SNTG1: variants seen among roughly 807,000 people sequenced by gnomAD.
SNTG1 encodes gamma-1-syntrophin.
SNTG1 carries 39 observed loss-of-function variants against 74.7 expected under a neutral mutation model. The observed-to-expected ratio is 0.52, with a 90% CI of 0.40 to 0.68. SNTG1 has a LOEUF of 0.68. Among genes scored for constraint, SNTG1 ranks in the 30% least tolerant of loss-of-function variants. The pLI, the probability that SNTG1 is intolerant of heterozygous loss-of-function variation, is 0.00. For synonymous variants in SNTG1, 254 were observed against 217.1 expected, an observed-to-expected ratio of 1.17 and a Z score of -1.49; for missense variants, 685 against 609.5, an observed-to-expected ratio of 1.12 and a Z score of -1.30.
At chr8:50,009,807 G>A (rs1815594398) in intron 1 of SNTG1, among the ~76,000 whole-genome samples, 1 of 152,114 alleles carries the variant, frequency 6.6e-6, no homozygotes, top group African/African-American at 2.4e-5. Flanking sequence ...AGACCAGCCT[G>A]GGAAACATGG....
At chr8:50,769,898 G>C (rs2095623008) in intron 18 of SNTG1, among the ~76,000 whole-genome samples, 2 of 152,024 alleles carry the variant, frequency 1.3e-5, no homozygotes, top group African/African-American at 2.4e-5. Context: ...AAAAGATTTT[G>C]AAGCAAGCAG....
chr8:50,014,078 C>T (rs532570864), intron 1 of SNTG1, among the ~76,000 whole-genome samples: 3 of 152,222 alleles, frequency 2.0e-5, no homozygotes, highest in East Asian at 3.9e-4. Flanking sequence ...ACAGCAGGCC[C>T]GGTGATGTTT....
chr8:49,997,285 C>T (rs149711432), intron 1 of SNTG1, among the ~76,000 whole-genome samples: 248 of 152,234 alleles, frequency 1.6e-3, no homozygotes, highest in African/African-American at 5.6e-3. Context: ...TCAAGAGCAT[C>T]GCTTTCCATA....
chr8:50,671,506 A>G (rs971309335), intron 15 of SNTG1, among the ~76,000 whole-genome samples: 13 of 152,066 alleles, frequency 8.5e-5, no homozygotes, highest in African/African-American at 3.1e-4. Context: ...ACCATCTCAC[A>G]CCAGTTAGAA....
At chr8:50,557,904 C>T (rs1186636503) in intron 12 of SNTG1, among the ~76,000 whole-genome samples, 3 of 152,284 alleles carry the variant, frequency 2.0e-5, no homozygotes, top group Non-Finnish European at 2.9e-5. Context: ...GTGTTCCACA[C>T]GTGCATTGCT....
chr8:50,124,727 C>A lies in SNTG1; in HGVS notation c.-102-47834C>A, dbSNP rs2081089931. 2.1e-5 allele frequency among the ~76,000 whole-genome samples: 3 copies of A among 140,948 alleles called. 1 individual carries two copies. The highest frequency in any genetic ancestry group is 7.4e-5 in the Admixed American group (1 of 13,558). 92.5% of individuals were successfully genotyped at this position (140,948 alleles called of 152,430 possible). Reference sequence around the variant, plus strand: ...AAATTACCTCCAAGGGCTTTCCCTGCTTCTGCTTGTGCTAGGCAGTGAGGA... The same window carrying A: ...AAATTACCTCCAAGGGCTTTCCCTGATTCTGCTTGTGCTAGGCAGTGAGGA... On this transcript the variant is annotated intron_variant, in intron 1 of 18. Transcript: ENST00000642720.
At chr8:50,481,365 A>G (rs955578045) in intron 8 of SNTG1, among the ~76,000 whole-genome samples, 2 of 152,184 alleles carry the variant, frequency 1.3e-5, no homozygotes, top group African/African-American at 4.8e-5. Flanking sequence ...TGGGCGACAG[A>G]GTGAGACTCC....
intron 4 of SNTG1, among the ~76,000 whole-genome samples, chr8:50,429,661 T>C (rs1029637041): frequency 6.6e-6 from 1 of 152,068 alleles, no homozygotes; most frequent in Admixed American, 6.6e-5. Flanking sequence ...ATTTAAAACT[T>C]TTGTGCTTCA....
At chr8:50,663,884 A>G (rs958420548) in intron 15 of SNTG1, among the ~76,000 whole-genome samples, 10 of 152,108 alleles carry the variant, frequency 6.6e-5, no homozygotes, top group Non-Finnish European at 1.2e-4. Flanking sequence ...ACAGATAACT[A>G]TCCTTGCTCT....
Position 50,014,002 on chromosome 8 carries a change from A to C in SNTG1, c.-103+101771A>C, listed in dbSNP as rs184054464. 2.0e-5 allele frequency among the ~76,000 whole-genome samples: 3 copies of C among 152,234 alleles called. No individual in the cohort carries two copies. In the East Asian group the frequency reaches 5.8e-4, roughly 29 times the overall value. ...AATAACCCATTTTTGATCTCAGAAA[A>C]ATAACCAAAGCCACAGAATGTACTG... is the stretch of plus-strand genomic sequence containing the variant. On this transcript the variant is annotated intron_variant, in intron 1 of 18. Transcript: ENST00000642720.
At chr8:49,962,497 C>G (rs1209081444) in intron 1 of SNTG1, among the ~76,000 whole-genome samples, 3 of 151,898 alleles carry the variant, frequency 2.0e-5, no homozygotes, top group African/African-American at 7.3e-5. Flanking sequence ...AGAGCCGGGT[C>G]TTGTTCCAAC....
chr8:50,575,122 C>A (rs1390965231), intron 12 of SNTG1, among the ~76,000 whole-genome samples: 1 of 152,088 alleles, frequency 6.6e-6, no homozygotes, highest in Non-Finnish European at 1.5e-5. Context: ...TTATGTCAGA[C>A]CTAGTCTGTT....
intron 1 of SNTG1, among the ~76,000 whole-genome samples, chr8:49,963,581 T>C (rs1040141157): frequency 1.3e-5 from 2 of 152,180 alleles, no homozygotes; most frequent in East Asian, 1.9e-4. Flanking sequence ...AAAACTTTCC[T>C]GATCAAGCAA....
At chr8:50,306,162 T>C (rs1043865819) in intron 2 of SNTG1, among the ~76,000 whole-genome samples, 3 of 151,952 alleles carry the variant, frequency 2.0e-5, no homozygotes, top group African/African-American at 7.2e-5. Flanking sequence ...ATTTTCCATT[T>C]TTGAATACTT....
intron 13 of SNTG1, among the ~76,000 whole-genome samples, chr8:50,631,074 G>A (rs187883271): frequency 1.3e-3 from 205 of 152,300 alleles, no homozygotes; most frequent in African/African-American, 4.7e-3. Context: ...CCCTCTTACG[G>A]GGATAGGAGA....
chr8:50,576,115 C>T (rs1021304067), intron 12 of SNTG1, among the ~76,000 whole-genome samples: 1 of 152,164 alleles, frequency 6.6e-6, no homozygotes, highest in African/African-American at 2.4e-5. Context: ...AAATGTTTTA[C>T]AGCTTTATGT....
chr8:50,031,851 T>G (rs1817765576), intron 1 of SNTG1, among the ~76,000 whole-genome samples: 1 of 152,146 alleles, frequency 6.6e-6, no homozygotes. Flanking sequence ...AGGGAAGTGT[T>G]GCTGCCTCCA....
chr8:49,923,016 C>A (rs182646), intron 1 of SNTG1, among the ~76,000 whole-genome samples: 20,036 of 152,080 alleles, frequency 0.13, 1,503 homozygotes, highest in Middle Eastern at 0.2. Context: ...CCTGAAATAT[C>A]TGGAAATTCA....
chr8:50,207,753 C>T (rs931249409), intron 2 of SNTG1, among the ~76,000 whole-genome samples: 4 of 152,118 alleles, frequency 2.6e-5, no homozygotes, highest in Admixed American at 6.6e-5. Flanking sequence ...CCCAGAGATT[C>T]TGGTATGTTG....
Sources: allele counts gnomAD v4.1 joint callset (sites outside exome capture counted in the v4.1 genomes callset), GRCh38; gene constraint gnomAD v4.1.1; transcripts MANE v1.5; gene names NCBI Gene and HGNC (gene_info 2026-07-23, HGNC 2026-07-21).